SMLR1: variants seen among roughly 807,000 people sequenced by gnomAD.
SMLR1 encodes the protein small leucine-rich protein 1.
In SMLR1, 3 loss-of-function variants were observed where a neutral mutation model predicts 6.1. The ratio of observed to expected loss-of-function variants is 0.49; its 90% CI spans 0.22 to 1.28. The LOEUF is 1.28. SMLR1 is among the 50% of genes most tolerant of loss of function. The probability of loss-of-function intolerance (pLI) is 0.19; values close to 1 mark genes in which losing one functional copy is unlikely to be tolerated. For missense variants in SMLR1, 126 were observed against 124.8 expected (o/e 1.01, Z -0.05); for synonymous variants, 55 against 53.6 (o/e 1.03, Z -0.11).
intron 1 of SMLR1, among the ~76,000 whole-genome samples, chr6:130,831,950 A>T (rs1243110214): frequency 1.3e-5 from 2 of 152,202 alleles, no homozygotes; most frequent in African/African-American, 4.8e-5. Flanking sequence ...ATTAGTATGT[A>T]GGGAACATCA....
intron 1 of SMLR1, among the ~76,000 whole-genome samples, chr6:130,828,937 A>G (rs1007147515): frequency 1.3e-5 from 2 of 152,174 alleles, no homozygotes; most frequent in African/African-American, 4.8e-5. Context: ...AAAATAAGAA[A>G]TCCCCAAGAT....
chr6:130,830,201 C>T (rs768962766), intron 1 of SMLR1, among the ~76,000 whole-genome samples: 1 of 152,112 alleles, frequency 6.6e-6, no homozygotes, highest in African/African-American at 2.4e-5. Flanking sequence ...ATAATAATAA[C>T]CTGGACTTTT....
chr6:130,829,217 T>C (rs555198795), intron 1 of SMLR1, among the ~76,000 whole-genome samples: 2 of 152,332 alleles, frequency 1.3e-5, no homozygotes, highest in East Asian at 1.9e-4. Flanking sequence ...AGATCCCTTA[T>C]TGGCCTCTAC....
intron 1 of SMLR1, among the ~76,000 whole-genome samples, 170 bp from the exon 2 acceptor site, chr6:130,834,700 T>C (rs978539796): frequency 3.9e-5 from 6 of 152,254 alleles, no homozygotes; most frequent in Non-Finnish European, 5.9e-5. Flanking sequence ...CTGGATGTGG[T>C]TGAGGAGATA....
chr6:130,832,037 G>A (rs1366426789), intron 1 of SMLR1, among the ~76,000 whole-genome samples: 1 of 152,156 alleles, frequency 6.6e-6, no homozygotes, highest in Non-Finnish European at 1.5e-5. Flanking sequence ...TTGAGGAGTA[G>A]CTCTTGGGGT....
chr6:130,829,085 G>A, intron 1 of SMLR1, among the ~76,000 whole-genome samples: 1 of 152,188 alleles, frequency 6.6e-6, no homozygotes, highest in Non-Finnish European at 1.5e-5. Context: ...AAACGATGCT[G>A]ATGTCATCAT....
At chr6:130,829,203 A>G (rs1259256541) in intron 1 of SMLR1, among the ~76,000 whole-genome samples, 1 of 152,202 alleles carries the variant, frequency 6.6e-6, no homozygotes, top group Non-Finnish European at 1.5e-5. Context: ...CCTCATGGAT[A>G]TCAAGATCCC....
In SMLR1 at chr6:130,836,625, A is replaced by G. The variant is rs941369029; in HGVS notation, c.*1670A>G. On this transcript the variant is annotated 3_prime_UTR_variant, in exon 2 of 2. Transcript: ENST00000541421. ...AGGCCTGTTTCTTTTCTGCCATCCAATGAGAGCAGAGAATCTCCAATGAAA... is the reference window on the plus strand; with the variant it reads ...AGGCCTGTTTCTTTTCTGCCATCCAGTGAGAGCAGAGAATCTCCAATGAAA... The G allele has an allele frequency of 8.5e-5, 13 of 152,188 alleles. No individual in the cohort carries two copies. The highest frequency in any genetic ancestry group is 2.7e-4 in the African/African-American group (11 of 41,436). 9.4% of individuals were successfully genotyped at this position (152,188 alleles called of 1,614,324 possible). A position where few individuals can be genotyped will look rare whatever the true frequency, so the allele number is the denominator to read the frequency against.
chr6:130,828,062 C>CTA (rs141144069), intron 1 of SMLR1, among the ~76,000 whole-genome samples: 1 of 76,554 alleles, frequency 1.3e-5, no homozygotes, highest in African/African-American at 4.3e-5. Context: ...GTGTATGCGC[C>CTA]CGTGTGTGCA....
chr6:130,831,622 G>A (rs756802699), intron 1 of SMLR1, among the ~76,000 whole-genome samples: 3 of 152,104 alleles, frequency 2.0e-5, no homozygotes, highest in Non-Finnish European at 2.9e-5. Flanking sequence ...TCTCCATTTC[G>A]CAGCATCCAC....
rs1774615679 is a variant in SMLR1, at chr6:130,835,203, C to A, written c.*248C>A. The stretch of plus-strand genomic sequence containing the variant: ...GGATTTCCTGGGTATATACACTGGA[C>A]ACATTGTAACTTTTTAACTTTTATT... On this transcript the variant is annotated 3_prime_UTR_variant, in exon 2 of 2. Coordinates refer to ENST00000541421, the MANE Select transcript of SMLR1 (RefSeq NM_001195597.2). 1 of 403,444 alleles carries A rather than the reference C, an allele frequency of 2.5e-6. No homozygotes were observed. Among genetic ancestry groups the A allele is most frequent in the South Asian group, 4.3e-5 (1 of 23,104 alleles). 25.0% of individuals were successfully genotyped at this position (403,444 alleles called of 1,614,324 possible). A position where few individuals can be genotyped will look rare whatever the true frequency, so the allele number is the denominator to read the frequency against.
intron 1 of SMLR1, among the ~76,000 whole-genome samples, chr6:130,834,510 G>GT (rs1219734543): frequency 2.4e-4 from 37 of 152,210 alleles, no homozygotes; most frequent in African/African-American, 8.2e-4. Context: ...TCTAAAGACT[G>GT]TAAGTGCCCA....
chr6:130,827,471 G>A lies in SMLR1; in HGVS notation c.58G>A (p.Ala20Thr). 9.1e-6 allele frequency: 14 copies of A among 1,536,006 alleles called. No homozygotes were observed. The highest frequency in any genetic ancestry group is 1.2e-5 in the Non-Finnish European group (14 of 1,146,848). Residue 20 changes from alanine (A) to threonine (T), a missense_variant, in exon 1 of 2, where the codon GCC becomes ACC. By Grantham distance (58) the Ala-to-Thr change is moderately conservative. Transcript: ENST00000541421. ...ACAAGTACAGACTCAGAGGAAAGCTGCCCTGGTCCTGAGTGTGACTCCCAT... is the reference window on the plus strand; with the variant it reads ...ACAAGTACAGACTCAGAGGAAAGCTACCCTGGTCCTGAGTGTGACTCCCAT... ...RKQVQTQRKA[A>T]LVLSVTPMVP...
chr6:130,830,130 G>A (rs1018099330), intron 1 of SMLR1, among the ~76,000 whole-genome samples: 3 of 152,140 alleles, frequency 2.0e-5, no homozygotes, highest in African/African-American at 4.8e-5. Context: ...GAAGTTAGAG[G>A]AGGTGTTGCA....
intron 1 of SMLR1, among the ~76,000 whole-genome samples, chr6:130,833,858 G>C (rs1562258013): frequency 6.6e-6 from 1 of 152,144 alleles, no homozygotes; most frequent in African/African-American, 2.4e-5. Flanking sequence ...CCTGGTCAGG[G>C]AAAGTGCATG....
At chr6:130,828,226 C>A (rs1217998257) in intron 1 of SMLR1, among the ~76,000 whole-genome samples, 1 of 152,058 alleles carries the variant, frequency 6.6e-6, no homozygotes, top group Non-Finnish European at 1.5e-5. Context: ...GGAAAAAAAC[C>A]AAACCAAACA....
intron 1 of SMLR1, among the ~76,000 whole-genome samples, chr6:130,830,543 T>C (rs1774409326): frequency 6.6e-6 from 1 of 152,126 alleles, no homozygotes; most frequent in Non-Finnish European, 1.5e-5. Context: ...TGGAAGATGC[T>C]CAGTGAGGAT....
rs1774659292 is a variant in SMLR1 at position 130,836,356 on chromosome 6, T to C, written c.*1401T>C. 6.6e-6 allele frequency: 1 copy of C among 152,188 alleles called. No homozygotes were observed. The highest frequency in any genetic ancestry group is 2.1e-4 in the South Asian group (1 of 4,836). The allele number at this position is 152,188 out of a possible 1,614,324, so 9.4% of individuals were successfully genotyped here. On this transcript the variant is annotated 3_prime_UTR_variant, in exon 2 of 2. Transcript: ENST00000541421. ...TTAGCCCCTGGGGGAAATCAGCTTA[T>C]GTAAAAATGCTTTCTTTAACAGAAA... is the stretch of plus-strand genomic sequence containing the variant.
chr6:130,833,475 C>A (rs149882210), intron 1 of SMLR1, among the ~76,000 whole-genome samples: 1 of 152,294 alleles, frequency 6.6e-6, no homozygotes, highest in East Asian at 1.9e-4. Flanking sequence ...CATGGGCCAT[C>A]TCCAAGGAAT....
Sources: gnomAD v4.1 joint callset for allele counts (sites outside exome capture counted in the v4.1 genomes callset) on GRCh38, gnomAD v4.1.1 for gene constraint, MANE v1.5 for transcripts, NCBI Gene and HGNC (gene_info 2026-07-23, HGNC 2026-07-21) for gene names.